Variants in ASTN2 observed in about 807,000 individuals in gnomAD.
ASTN2 encodes the protein astrotactin-2.
A neutral mutation model predicts 139.8 loss-of-function variants in ASTN2; 54 were observed. That is an observed-to-expected ratio of 0.39 (90% CI 0.31 to 0.48). The LOEUF (loss-of-function observed/expected upper bound fraction) is 0.48. Among genes scored for constraint, ASTN2 ranks in the 20% least tolerant of loss-of-function variants. ASTN2 has a pLI of 0.95. For synonymous variants in ASTN2, 756 were observed against 719.5 expected (o/e 1.05, Z -0.81); for missense variants, 1,565 against 1,725.1 (o/e 0.91, Z 1.64).
intron 22 of ASTN2, among the ~76,000 whole-genome samples, chr9:116,434,904 C>G (rs1847603044): frequency 6.6e-6 from 1 of 152,150 alleles, no homozygotes; most frequent in East Asian, 1.9e-4. Context: ...GTCACTAAAT[C>G]TTATGGGGAT....
intron 22 of ASTN2, among the ~76,000 whole-genome samples, chr9:116,432,661 T>TA (rs1847533932): frequency 1.3e-5 from 2 of 152,170 alleles, no homozygotes; most frequent in Admixed American, 1.3e-4. Flanking sequence ...AAACTGGGAT[T>TA]ACTCATGCCT....
chr9:117,020,070 C>G (rs1187757378), intron 6 of ASTN2, among the ~76,000 whole-genome samples: 1 of 146,564 alleles, frequency 6.8e-6, no homozygotes, highest in Non-Finnish European at 1.5e-5. Context: ...AGCAAAAATT[C>G]TAGAAGGAAA....
chr9:117,391,635 G>A (rs978249187), intron 1 of ASTN2, among the ~76,000 whole-genome samples: 7 of 151,964 alleles, frequency 4.6e-5, no homozygotes, highest in East Asian at 2.0e-4. Context: ...ATATCATTTC[G>A]CCCCTGGCCC....
intron 2 of ASTN2, among the ~76,000 whole-genome samples, chr9:117,250,114 A>G (rs1011429938): frequency 1.3e-5 from 2 of 152,092 alleles, no homozygotes; most frequent in African/African-American, 4.8e-5. Context: ...CTTCTTATGA[A>G]TTTCATTTCA....
intron 10 of ASTN2, among the ~76,000 whole-genome samples, chr9:116,870,261 A>T (rs902449288): frequency 7.2e-5 from 11 of 152,238 alleles, no homozygotes; most frequent in Non-Finnish European, 2.9e-5. Context: ...CCAACTCCAC[A>T]TTCTTTCTCC....
At chr9:116,600,033 A>T (rs1854791931) in intron 19 of ASTN2, among the ~76,000 whole-genome samples, 1 of 152,116 alleles carries the variant, frequency 6.6e-6, no homozygotes, top group African/African-American at 2.4e-5. Flanking sequence ...TATATTAAAG[A>T]TTACTCTGGT....
rs1488863046 is a variant in ASTN2, at chr9:117,121,830, G to A, written c.1168+19496C>T. Among the ~76,000 whole-genome samples, 5 of 152,178 alleles carry A rather than the reference G, an allele frequency of 3.3e-5. No homozygotes were observed. The East Asian group carries it at 5.8e-4, about 18-fold the overall frequency. ...GGGGAAGCCAGTTCATCTTCACATGGCCAGCAGGAGAGAGACAGGGAGTGA... is the reference window on the plus strand; with the variant it reads ...GGGGAAGCCAGTTCATCTTCACATGACCAGCAGGAGAGAGACAGGGAGTGA... On this transcript the variant is annotated intron_variant, in intron 4 of 22. Coordinates refer to ENST00000313400, the MANE Select transcript of ASTN2 (RefSeq NM_001365068.1).
intron 2 of ASTN2, among the ~76,000 whole-genome samples, chr9:117,216,713 G>A (rs184726680): frequency 6.6e-6 from 1 of 152,118 alleles, no homozygotes; most frequent in East Asian, 1.9e-4. Flanking sequence ...ATTTGTCTGG[G>A]ATTTTTTTGT....
chr9:116,493,152 G>A (rs1375073796), intron 19 of ASTN2, among the ~76,000 whole-genome samples: 3 of 152,118 alleles, frequency 2.0e-5, no homozygotes, highest in African/African-American at 7.2e-5. Flanking sequence ...CTACTCAGGG[G>A]CAGAATCCAG....
rs571941726 is a variant in ASTN2 at position 116,534,716 on chromosome 9, T to G, written c.3356-47216A>C. Among the ~76,000 whole-genome samples the G allele has an allele frequency of 1.5e-4, 23 of 152,234 alleles. No homozygotes were observed. The East Asian group carries it at 3.1e-3, about 20-fold the overall frequency. Reference sequence around the variant, plus strand: ...TGAGGTCTAGTTTGATTGCACTGTGTTCTGAGAGACAGTTTGTTTTAATTC... The same window carrying G: ...TGAGGTCTAGTTTGATTGCACTGTGGTCTGAGAGACAGTTTGTTTTAATTC... On this transcript the variant is annotated intron_variant, in intron 19 of 22. Transcript: ENST00000313400.
intron 3 of ASTN2, among the ~76,000 whole-genome samples, chr9:117,175,109 C>A (rs1830884966): frequency 6.6e-6 from 1 of 151,994 alleles, no homozygotes; most frequent in African/African-American, 2.4e-5. Context: ...ATAATCACAT[C>A]TTCTGGCTTC....
chr9:116,542,903 G>C (rs953688810), intron 19 of ASTN2, among the ~76,000 whole-genome samples: 2 of 152,022 alleles, frequency 1.3e-5, no homozygotes, highest in Admixed American at 6.5e-5. Flanking sequence ...CTGGGTGACA[G>C]AGCAAAACTC....
At chr9:117,099,751 G>A (rs1035341712) in intron 4 of ASTN2, among the ~76,000 whole-genome samples, 29 of 152,092 alleles carry the variant, frequency 1.9e-4, no homozygotes, top group East Asian at 3.9e-4. Flanking sequence ...AGACAGTGGC[G>A]GGTAAATCTA....
intron 19 of ASTN2, among the ~76,000 whole-genome samples, chr9:116,514,955 ATGCCTCACCCT>A: frequency 6.6e-6 from 1 of 152,108 alleles, no homozygotes; most frequent in Middle Eastern, 3.4e-3. Context: ...GGGTGAGGCG[ATGCCTCACCCT>A]GCTTTGGCTC....
intron 11 of ASTN2, among the ~76,000 whole-genome samples, chr9:116,826,099 G>A (rs1266551214): frequency 6.6e-6 from 1 of 152,218 alleles, no homozygotes; most frequent in Non-Finnish European, 1.5e-5. Flanking sequence ...CAGGCCCAAA[G>A]CACCGTTTTT....
In ASTN2 at chr9:117,141,497, G is replaced by C; in HGVS notation, c.1016-19C>G. 1 of 1,365,146 alleles carries C rather than the reference G, an allele frequency of 7.3e-7. No individual in the cohort carries two copies. Among genetic ancestry groups the C allele is most frequent in the South Asian group, 1.1e-5 (1 of 87,988 alleles). The allele number at this position is 1,365,146 out of a possible 1,614,324, so 84.6% of individuals were successfully genotyped here. On this transcript the variant is annotated intron_variant, in intron 3 of 22. Transcript: ENST00000313400. The stretch of plus-strand genomic sequence containing the variant: ...GCTGCTGCTATAAGGTAGCAATGGG[G>C]CTGAGGTTAGGGCTTGAGCCCACCC...
intron 11 of ASTN2, among the ~76,000 whole-genome samples, chr9:116,848,357 T>G (rs1052150988): frequency 6.6e-6 from 1 of 152,096 alleles, no homozygotes; most frequent in Admixed American, 6.5e-5. Flanking sequence ...TTGGGGAAAA[T>G]AGCTTATTGT....
intron 16 of ASTN2, among the ~76,000 whole-genome samples, chr9:116,724,148 C>T (rs1273848159): frequency 6.6e-6 from 1 of 152,192 alleles, no homozygotes; most frequent in Non-Finnish European, 1.5e-5. Flanking sequence ...TATGTAGCCA[C>T]AGTGAGTGAA....
chr9:116,890,287 A>G (rs1833730981), intron 10 of ASTN2, among the ~76,000 whole-genome samples: 1 of 152,160 alleles, frequency 6.6e-6, no homozygotes, highest in Non-Finnish European at 1.5e-5. Context: ...CTGGCCATTT[A>G]TAAATAAACT....
Sources: allele counts gnomAD v4.1 joint callset (sites outside exome capture counted in the v4.1 genomes callset), GRCh38; gene constraint gnomAD v4.1.1; transcripts MANE v1.5; gene names NCBI Gene and HGNC (gene_info 2026-07-23, HGNC 2026-07-21).